Variants in TMEFF2 observed in about 807,000 individuals in gnomAD.
TMEFF2 encodes the protein tomoregulin-2.
Under a neutral mutation model 53.8 loss-of-function variants are expected in TMEFF2, and 28 were observed. That is an observed-to-expected ratio of 0.52 (90% CI 0.39 to 0.71). TMEFF2 has a LOEUF of 0.71. Among genes scored for constraint, TMEFF2 ranks in the 30% least tolerant of loss-of-function variants. The probability of loss-of-function intolerance (pLI) is 0.00; values close to 1 mark genes in which losing one functional copy is unlikely to be tolerated. For missense variants in TMEFF2, 353 were observed against 455.2 expected (o/e 0.78, Z 2.04); for synonymous variants, 162 against 166.3 (o/e 0.97, Z 0.20).
intron 7 of TMEFF2, among the ~76,000 whole-genome samples, chr2:191,971,141 G>A (rs1010642213): frequency 3.3e-5 from 5 of 152,156 alleles, no homozygotes; most frequent in Non-Finnish European, 7.3e-5. Context: ...GATCCAATGT[G>A]AGTCTAAACA....
chr2:192,089,094 C>T (rs527729264), intron 4 of TMEFF2, among the ~76,000 whole-genome samples: 29 of 152,180 alleles, frequency 1.9e-4, no homozygotes, highest in Admixed American at 5.9e-4. Context: ...ACAAAAGTGA[C>T]GCTTGGGGAT....
At chr2:192,066,833 A>G (rs1489908215) in intron 4 of TMEFF2, among the ~76,000 whole-genome samples, 1 of 151,840 alleles carries the variant, frequency 6.6e-6, no homozygotes, top group Non-Finnish European at 1.5e-5. Context: ...ATGAAAATAT[A>G]TCATATCAAC....
At chr2:191,970,726 C>T (rs904305341) in intron 7 of TMEFF2, among the ~76,000 whole-genome samples, 2 of 152,068 alleles carry the variant, frequency 1.3e-5, no homozygotes, top group African/African-American at 4.8e-5. Context: ...GGTTGGTAAC[C>T]ATTTACCAAT....
intron 4 of TMEFF2, chr2:192,178,808 A>AT (rs1388924097): frequency 6.6e-6 from 1 of 151,196 alleles, no homozygotes; most frequent in East Asian, 1.9e-4. Context: ...ACATTTAATT[A>AT]TTTTACACAA....
At chr2:192,044,001 C>T (rs960114337) in intron 5 of TMEFF2, 3 of 152,112 alleles carry the variant, frequency 2.0e-5, no homozygotes, top group East Asian at 1.9e-4. Context: ...TTTCATTGCT[C>T]GAGCAAGTTA....
chr2:192,012,182 C>T (rs1574290008), intron 5 of TMEFF2, among the ~76,000 whole-genome samples: 2 of 152,324 alleles, frequency 1.3e-5, no homozygotes, highest in East Asian at 1.9e-4. Flanking sequence ...GGATTACAGG[C>T]GTGAGCCACT....
intron 2 of TMEFF2, among the ~76,000 whole-genome samples, chr2:192,186,318 A>G (rs1559163153): frequency 6.6e-6 from 1 of 152,156 alleles, no homozygotes; most frequent in Non-Finnish European, 1.5e-5. Context: ...CCATCCAAGA[A>G]AGAAGGCAGG....
intron 4 of TMEFF2, among the ~76,000 whole-genome samples, chr2:192,087,835 C>A (rs1688700777): frequency 1.3e-5 from 2 of 152,172 alleles, no homozygotes; most frequent in South Asian, 4.2e-4. Context: ...AAGAAGAAAA[C>A]CATAATATTA....
intron 4 of TMEFF2, chr2:192,178,675 T>C (rs1488134457): frequency 1.3e-5 from 2 of 151,264 alleles, no homozygotes; most frequent in Non-Finnish European, 3.0e-5. Context: ...TGATAAATCT[T>C]TCAAGTGTTT....
chr2:192,083,936 A>C (rs538292124), intron 4 of TMEFF2, among the ~76,000 whole-genome samples: 1 of 152,204 alleles, frequency 6.6e-6, no homozygotes, highest in South Asian at 2.1e-4. Context: ...TTTCTATACA[A>C]GTCACTGGTT....
intron 5 of TMEFF2, among the ~76,000 whole-genome samples, chr2:192,038,863 T>C (rs1052346055): frequency 2.0e-5 from 3 of 152,218 alleles, no homozygotes; most frequent in Admixed American, 6.5e-5. Context: ...TCCTGACAAG[T>C]AACTTTGCAA....
chr2:192,083,844 G>C (rs894764008), intron 4 of TMEFF2, among the ~76,000 whole-genome samples: 1 of 151,662 alleles, frequency 6.6e-6, no homozygotes, highest in African/African-American at 2.4e-5. Context: ...TTGACTTAAG[G>C]TTCAACTCAT....
intron 4 of TMEFF2, among the ~76,000 whole-genome samples, chr2:192,132,838 T>C (rs1036742578): frequency 3.9e-5 from 6 of 152,160 alleles, no homozygotes; most frequent in Non-Finnish European, 2.9e-5. Flanking sequence ...GCCCCTGGAA[T>C]TCTGGCCCAA....
intron 4 of TMEFF2, among the ~76,000 whole-genome samples, chr2:192,119,955 C>T (rs1473466465): frequency 6.6e-6 from 1 of 152,002 alleles, no homozygotes. Flanking sequence ...ATTTCTGGAC[C>T]CTGTTCTAGA....
intron 7 of TMEFF2, 50 bp from the exon 8 acceptor site, chr2:191,956,428 A>C: frequency 6.3e-7 from 1 of 1,582,560 alleles, no homozygotes; most frequent in Non-Finnish European, 8.6e-7. Flanking sequence ...TTAGCCTGGT[A>C]AGATCAACCA....
intron 7 of TMEFF2, among the ~76,000 whole-genome samples, chr2:191,981,462 T>C (rs1478941431): frequency 1.3e-5 from 2 of 152,194 alleles, no homozygotes; most frequent in Non-Finnish European, 2.9e-5. Flanking sequence ...TGCATCAACA[T>C]TTCTGAGCTA....
chr2:192,012,518 T>A (rs566111134), intron 5 of TMEFF2, among the ~76,000 whole-genome samples: 14 of 152,306 alleles, frequency 9.2e-5, no homozygotes, highest in African/African-American at 3.4e-4. Flanking sequence ...ACTTTCATTA[T>A]TCATCCAAAT....
In TMEFF2 at chr2:191,993,640, C is replaced by T. The variant is rs146483280; in HGVS notation, c.745+4622G>A. On this transcript the variant is annotated intron_variant, in intron 7 of 9. Coordinates refer to ENST00000272771, the MANE Select transcript of TMEFF2 (RefSeq NM_016192.4). ...AGGAAAATAAGCTCAACATGCTCCT[C>T]CTCATAGCTATTTCCTCTGTATTTT... 3.1e-3 allele frequency among the ~76,000 whole-genome samples: 469 copies of T among 152,112 alleles called. 1 individual carries two copies. The highest frequency in any genetic ancestry group is 5.6e-3 in the Non-Finnish European group (379 of 67,932).
At chr2:192,174,825 A>G (rs968833343) in intron 4 of TMEFF2, among the ~76,000 whole-genome samples, 3 of 151,632 alleles carry the variant, frequency 2.0e-5, no homozygotes, top group African/African-American at 7.3e-5. Context: ...AAAACATACA[A>G]CCATGATGAG....
Sources: gnomAD v4.1 joint callset for allele counts (sites outside exome capture counted in the v4.1 genomes callset) on GRCh38, gnomAD v4.1.1 for gene constraint, MANE v1.5 for transcripts, NCBI Gene and HGNC (gene_info 2026-07-23, HGNC 2026-07-21) for gene names.